Variants in DISP1 observed in about 807,000 individuals in gnomAD.
DISP1 encodes dispatched RND transporter family member 1.
DISP1 carries 30 observed loss-of-function variants against 37.3 expected under a neutral mutation model. The ratio of observed to expected loss-of-function variants is 0.80; its 90% CI spans 0.60 to 1.09. The LOEUF is 1.09. Among genes scored for constraint, DISP1 ranks in the 50% least tolerant of loss-of-function variants. DISP1 has a pLI of 0.00. For missense variants in DISP1, 1,598 were observed against 1,879.5 expected (o/e 0.85, Z 2.77); for synonymous variants, 634 against 690.2 (o/e 0.92, Z 1.28).
chr1:222,819,156 C>T (rs114362189), intron 1 of DISP1, among the ~76,000 whole-genome samples: 2 of 152,134 alleles, frequency 1.3e-5, no homozygotes, highest in Non-Finnish European at 2.9e-5. Context: ...CCCCTGTGCT[C>T]GTCGTTTCTC....
At chr1:222,824,993 A>G (rs1292168120) in intron 1 of DISP1, among the ~76,000 whole-genome samples, 1 of 152,174 alleles carries the variant, frequency 6.6e-6, no homozygotes, top group Admixed American at 6.6e-5. Context: ...TTTTAAACCT[A>G]GATAAAAAGG....
chr1:222,872,320 T>C (rs1279793399), intron 1 of DISP1: 8 of 152,258 alleles, frequency 5.3e-5, no homozygotes, highest in Non-Finnish European at 1.0e-4. Flanking sequence ...TAAGGAGGAT[T>C]CCCTCTTTTT....
At chr1:222,923,704 A>AT (rs1379015181) in intron 1 of DISP1, among the ~76,000 whole-genome samples, 1 of 152,186 alleles carries the variant, frequency 6.6e-6, no homozygotes, top group African/African-American at 2.4e-5. Context: ...ATGATAGATG[A>AT]GATGAATCAC....
intron 1 of DISP1, among the ~76,000 whole-genome samples, chr1:222,924,284 T>C (rs1286297842): frequency 6.6e-6 from 1 of 152,182 alleles, no homozygotes; most frequent in African/African-American, 2.4e-5. Context: ...GTTTGAGTAG[T>C]AAAATTGGGA....
chr1:222,904,766 C>G (rs899145133), intron 1 of DISP1, among the ~76,000 whole-genome samples: 1 of 152,060 alleles, frequency 6.6e-6, no homozygotes, highest in African/African-American at 2.4e-5. Flanking sequence ...CGGGGTTTCA[C>G]CATATTGGCC....
intron 1 of DISP1, among the ~76,000 whole-genome samples, chr1:222,865,503 G>A (rs976082714): frequency 3.3e-5 from 5 of 152,070 alleles, no homozygotes; most frequent in East Asian, 3.9e-4. Context: ...CATCTTAAAA[G>A]CCTTTCCTGT....
At chr1:222,959,847 AAACAGACTTT>A (rs1350837628) in intron 3 of DISP1, among the ~76,000 whole-genome samples, 4 of 152,064 alleles carry the variant, frequency 2.6e-5, no homozygotes, top group African/African-American at 7.2e-5. Context: ...GTCTCTGACA[AAACAGACTTT>A]AAACCAACAA....
chr1:222,928,709 T>C (rs1483928405), intron 2 of DISP1, 139 bp downstream of exon 2: 1 of 152,232 alleles, frequency 6.6e-6, no homozygotes, highest in Non-Finnish European at 1.5e-5. Flanking sequence ...TTGTTTTTTT[T>C]TCAGTGTAAA....
chr1:223,002,979 ACT>A lies in DISP1; in HGVS notation c.1585_1586del (p.Leu529AspfsTer44). ...TGTCTACACCAAGTCCATGTTTATCACTCTGATGACAATGTTTGCAATAATCA... is the reference window on the plus strand; with the variant it reads ...TGTCTACACCAAGTCCATGTTTATCACTGATGACAATGTTTGCAATAATCA... ...MCVYTKSMFI[T>X]LMTMFAIISS... On this transcript the variant is annotated frameshift_variant, in exon 9 of 9. Coordinates refer to ENST00000675850, the MANE Select transcript of DISP1 (RefSeq NM_001377229.1). LOFTEE classifies it low-confidence loss of function (END_TRUNC). 1 of 1,613,808 alleles carries A rather than the reference ACT, an allele frequency of 6.2e-7. No individual in the cohort carries two copies. The highest frequency in any genetic ancestry group is 8.5e-7 in the Non-Finnish European group (1 of 1,180,000).
chr1:222,862,884 C>A (rs775333667), intron 1 of DISP1, among the ~76,000 whole-genome samples: 17 of 152,126 alleles, frequency 1.1e-4, no homozygotes, highest in Non-Finnish European at 2.2e-4. Flanking sequence ...AATCCAGGAT[C>A]ACACATTCCA....
At chr1:222,943,829 G>A (rs992446762) in intron 3 of DISP1, among the ~76,000 whole-genome samples, 2 of 152,136 alleles carry the variant, frequency 1.3e-5, no homozygotes, top group African/African-American at 4.8e-5. Flanking sequence ...GGGAGTTTGA[G>A]ACCAGCCTGA....
chr1:222,916,998 G>A (rs1280457642), intron 1 of DISP1, among the ~76,000 whole-genome samples: 1 of 151,820 alleles, frequency 6.6e-6, no homozygotes, highest in Admixed American at 6.6e-5. Context: ...CACGCCCCAA[G>A]CGCAGTGTTT....
intron 1 of DISP1, among the ~76,000 whole-genome samples, chr1:222,831,543 T>G (rs1042087894): frequency 3.9e-5 from 6 of 152,358 alleles, no homozygotes; most frequent in African/African-American, 1.4e-4. Flanking sequence ...ATAAGCTGTA[T>G]ACTAGTTTTT....
chr1:222,995,994 G>A (rs1679040689), intron 8 of DISP1, among the ~76,000 whole-genome samples: 1 of 152,162 alleles, frequency 6.6e-6, no homozygotes, highest in African/African-American at 2.4e-5. Flanking sequence ...AACCTAGTTA[G>A]TTGGTCCCAG....
chr1:222,832,406 A>G (rs1293205388), intron 1 of DISP1, among the ~76,000 whole-genome samples: 1 of 152,130 alleles, frequency 6.6e-6, no homozygotes, highest in Non-Finnish European at 1.5e-5. Context: ...TTCTAATGTT[A>G]AGGTCTAAGA....
intron 7 of DISP1, 139 bp from the exon 8 acceptor site, chr1:222,994,746 A>G: frequency 1.5e-6 from 1 of 658,488 alleles, no homozygotes; most frequent in Non-Finnish European, 2.6e-6. Context: ...CCTGGAATTT[A>G]TCAAAGGAAA....
chr1:222,917,189 G>A (rs927523979), intron 1 of DISP1, among the ~76,000 whole-genome samples: 7 of 152,026 alleles, frequency 4.6e-5, no homozygotes, highest in African/African-American at 1.2e-4. Context: ...CTTCTTCCCC[G>A]GACTTCTTCT....
chr1:222,955,300 G>T (rs1675518973), intron 3 of DISP1, among the ~76,000 whole-genome samples: 1 of 151,960 alleles, frequency 6.6e-6, no homozygotes, highest in Non-Finnish European at 1.5e-5. Context: ...GGCCAGGCTG[G>T]TCTCAAACTC....
At chr1:222,958,402 C>T (rs1254426662) in intron 3 of DISP1, among the ~76,000 whole-genome samples, 1 of 152,190 alleles carries the variant, frequency 6.6e-6, no homozygotes, top group Non-Finnish European at 1.5e-5. Context: ...ATTGCCCATA[C>T]TCCATAGACA....
Sources: gnomAD v4.1 joint callset for allele counts (sites outside exome capture counted in the v4.1 genomes callset) on GRCh38, gnomAD v4.1.1 for gene constraint, MANE v1.5 for transcripts, NCBI Gene and HGNC (gene_info 2026-07-23, HGNC 2026-07-21) for gene names.